Variants in DCAF8L2 observed in about 807,000 individuals in gnomAD.
DCAF8L2 encodes DDB1 and CUL4 associated factor 8 like 2.
For missense variants in DCAF8L2, 430 were observed against 490.7 expected, an observed-to-expected ratio of 0.88 and a Z score of 1.17; for synonymous variants, 200 against 190.9, an observed-to-expected ratio of 1.05 and a Z score of -0.39.
intron 3 of DCAF8L2, among the ~76,000 whole-genome samples, chrX:27,702,846 C>T (rs866827197): frequency 9.0e-6 from 1 of 110,912 alleles, no homozygotes; most frequent in Non-Finnish European, 1.9e-5. Context: ...GAAGTTCTAG[C>T]CAGGGAAATT....
At chrX:27,570,887 CT>C in the DCAF8L2 span, among the ~76,000 whole-genome samples, 1 of 112,000 alleles carries the variant, frequency 8.9e-6, no homozygotes, top group African/African-American at 3.2e-5. Context: ...CAGTCTGTTA[CT>C]TATTTTTTTC....
chrX:27,491,349 T>C, the DCAF8L2 span, among the ~76,000 whole-genome samples: 5 of 112,077 alleles, frequency 4.5e-5, no homozygotes, highest in East Asian at 1.1e-3. Flanking sequence ...GGCATTCTTT[T>C]GGTTTGTAAA....
chrX:27,739,429 TC>T (rs1000618021), intron 4 of DCAF8L2, among the ~76,000 whole-genome samples: 1 of 111,724 alleles, frequency 9.0e-6, no homozygotes, highest in Non-Finnish European at 1.9e-5. Flanking sequence ...CTCATATTGT[TC>T]TCCTACATAA....
the DCAF8L2 span, among the ~76,000 whole-genome samples, chrX:27,526,969 G>T: frequency 0.21 from 23,754 of 111,884 alleles, 2,202 homozygotes; most frequent in East Asian, 0.37. Flanking sequence ...CTACTCAGGG[G>T]TCTGGGACCC....
chrX:27,540,765 G>C, the DCAF8L2 span, among the ~76,000 whole-genome samples: 1 of 111,643 alleles, frequency 9.0e-6, no homozygotes, highest in African/African-American at 3.3e-5. Flanking sequence ...TGAGGTGATG[G>C]ATATACTAAT....
chrX:27,709,881 TA>T (rs758513611), intron 3 of DCAF8L2, among the ~76,000 whole-genome samples: 3 of 111,047 alleles, frequency 2.7e-5, no homozygotes, highest in Non-Finnish European at 5.6e-5. Context: ...AATGCCCAAT[TA>T]TTTTTTTTTG....
At chrX:27,664,831 G>A (rs1025362513) in intron 2 of DCAF8L2, among the ~76,000 whole-genome samples, 1 of 111,102 alleles carries the variant, frequency 9.0e-6, no homozygotes, top group Non-Finnish European at 1.9e-5. Context: ...AAAAAAGCCT[G>A]CATGGTAGAA....
chrX:27,646,480 A>C (rs190199439), intron 2 of DCAF8L2, among the ~76,000 whole-genome samples: 1 of 112,000 alleles, frequency 8.9e-6, no homozygotes, highest in Non-Finnish European at 1.9e-5. Context: ...AATCTAGGCA[A>C]TACCATGCAA....
the DCAF8L2 span, among the ~76,000 whole-genome samples, chrX:27,576,910 T>G: frequency 8.9e-6 from 1 of 111,902 alleles, no homozygotes; most frequent in Admixed American, 9.5e-5. Context: ...ATGTCAGAGC[T>G]CTGTGAAAAG....
chrX:27,714,760 A>G (rs1404885225), intron 3 of DCAF8L2, among the ~76,000 whole-genome samples: 2 of 110,771 alleles, frequency 1.8e-5, no homozygotes, highest in South Asian at 3.8e-4. Flanking sequence ...CATTTTCCCT[A>G]CTCTTCCAAA....
At position 27,748,359 on chromosome X, in the gene DCAF8L2, T is replaced by C; in HGVS notation, c.1464T>C (p.Gly488=). 1 of 1,206,397 alleles carries C rather than the reference T, an allele frequency of 8.3e-7. No individual in the cohort carries two copies. Among genetic ancestry groups the C allele is most frequent in the African/African-American group, 1.7e-5 (1 of 57,770 alleles). Residue 488 remains glycine (G), a synonymous_variant, in exon 5 of 5, where the codon GGT becomes GGC. Transcript: ENST00000451261. ...YGPRSEFVVS[G]SDCGHIFFWE... is the part of the protein sequence containing the mutation. ...CCAGGAGTGAGTTTGTAGTGAGCGG[T>C]AGTGATTGCGGGCACATCTTCTTCT...
At chrX:27,641,434 A>ATTTCT (rs1388842301) in intron 2 of DCAF8L2, among the ~76,000 whole-genome samples, 3 of 93,165 alleles carry the variant, frequency 3.2e-5, no homozygotes, top group African/African-American at 1.1e-4. Context: ...AGCCTGCTAT[A>ATTTCT]TTTCTTTTCT....
chrX:27,551,718 C>T, the DCAF8L2 span, among the ~76,000 whole-genome samples: 10,542 of 110,920 alleles, frequency 0.095, 392 homozygotes, highest in Non-Finnish European at 0.12. Context: ...CCATATTTTC[C>T]TTATCCATCC....
At chrX:27,682,491 T>C (rs1304698384) in intron 3 of DCAF8L2, among the ~76,000 whole-genome samples, 2 of 111,887 alleles carry the variant, frequency 1.8e-5, no homozygotes, top group Non-Finnish European at 3.8e-5. Flanking sequence ...CCTTTTACTT[T>C]AGAGTAATTT....
intron 1 of DCAF8L2, among the ~76,000 whole-genome samples, chrX:27,620,025 A>G (rs1308414108): frequency 2.7e-5 from 3 of 111,852 alleles, no homozygotes; most frequent in Non-Finnish European, 5.6e-5. Context: ...AAACAATTTT[A>G]AAGTTACAAA....
At chrX:27,577,920 A>G in the DCAF8L2 span, among the ~76,000 whole-genome samples, 1 of 111,997 alleles carries the variant, frequency 8.9e-6, no homozygotes, top group Admixed American at 9.5e-5. Context: ...AAATGGAAAA[A>G]CATTCCATGT....
At chrX:27,661,351 A>G (rs190961367) in intron 2 of DCAF8L2, among the ~76,000 whole-genome samples, 3 of 111,607 alleles carry the variant, frequency 2.7e-5, no homozygotes, top group Admixed American at 9.5e-5. Flanking sequence ...GAGGGTCTCT[A>G]TCACTTTATT....
intron 1 of DCAF8L2, among the ~76,000 whole-genome samples, chrX:27,622,425 C>CA (rs747437637): frequency 2.5e-4 from 26 of 105,263 alleles, no homozygotes; most frequent in East Asian, 1.8e-3. Flanking sequence ...ACTCCATCTA[C>CA]AAAAAAAAAG....
upstream of DCAF8L2, among the ~76,000 whole-genome samples, chrX:27,587,052 C>T (rs1435179628): frequency 1.8e-5 from 2 of 111,029 alleles, no homozygotes; most frequent in Admixed American, 9.6e-5. Context: ...GTACTTATCA[C>T]TATCACCACA....
Sources: allele counts gnomAD v4.1 joint callset (sites outside exome capture counted in the v4.1 genomes callset), GRCh38; gene constraint gnomAD v4.1.1; transcripts MANE v1.5; gene names NCBI Gene and HGNC (gene_info 2026-07-23, HGNC 2026-07-21).